Variants in PPARGC1A observed in about 807,000 individuals in gnomAD.
PPARGC1A encodes PPARG coactivator 1 alpha, also known as peroxisome proliferator-activated receptor gamma coactivator 1-alpha.
A neutral mutation model predicts 88.7 loss-of-function variants in PPARGC1A; 25 were observed. The observed-to-expected ratio is 0.28, with a 90% CI of 0.21 to 0.39. PPARGC1A has a LOEUF of 0.39. Among genes scored for constraint, PPARGC1A ranks in the 10% least tolerant of loss-of-function variants. The pLI is 1.00. For synonymous variants in PPARGC1A, 363 were observed against 355.6 expected (o/e 1.02, Z -0.24); for missense variants, 880 against 968.7 (o/e 0.91, Z 1.22).
chr4:24,208,582 T>C, the PPARGC1A span, among the ~76,000 whole-genome samples: 4 of 151,218 alleles, frequency 2.6e-5, no homozygotes, highest in Admixed American at 2.0e-4. Flanking sequence ...ACCCATTATA[T>C]GTCAGACTGA....
At chr4:24,051,050 T>C in the PPARGC1A span, among the ~76,000 whole-genome samples, 1 of 151,954 alleles carries the variant, frequency 6.6e-6, no homozygotes, top group East Asian at 1.9e-4. Context: ...TAGCCAGGCA[T>C]GGTGGCGGGT....
the PPARGC1A span, among the ~76,000 whole-genome samples, chr4:23,919,704 T>A: frequency 6.6e-6 from 1 of 152,094 alleles, no homozygotes; most frequent in Non-Finnish European, 1.5e-5. Flanking sequence ...GAAAATAGGA[T>A]TTGAGTGATG....
upstream of PPARGC1A, among the ~76,000 whole-genome samples, chr4:23,891,362 C>G (rs1237232702): frequency 3.9e-4 from 60 of 152,156 alleles, no homozygotes. Context: ...TAATAATTTA[C>G]CTGAAAACAA....
chr4:23,918,414 G>A, the PPARGC1A span, among the ~76,000 whole-genome samples: 1 of 151,942 alleles, frequency 6.6e-6, no homozygotes, highest in Non-Finnish European at 1.5e-5. Flanking sequence ...TAGAGACGGG[G>A]TTTCACCATG....
the PPARGC1A span, among the ~76,000 whole-genome samples, chr4:24,187,586 A>G: frequency 6.6e-6 from 1 of 152,176 alleles, no homozygotes; most frequent in Admixed American, 6.5e-5. Context: ...ATCTCCCTCT[A>G]AGAAAGAGAA....
At chr4:23,862,023 G>A (rs1426822452) in intron 2 of PPARGC1A, among the ~76,000 whole-genome samples, 1 of 152,154 alleles carries the variant, frequency 6.6e-6, no homozygotes, top group Non-Finnish European at 1.5e-5. Flanking sequence ...ATCAGTCAAC[G>A]AGTATCAACC....
chr4:24,022,296 G>A, the PPARGC1A span, among the ~76,000 whole-genome samples: 26,482 of 151,792 alleles, frequency 0.17, 2,613 homozygotes, highest in Admixed American at 0.3. Flanking sequence ...TCACTGGACC[G>A]ATGTGTCTGT....
the PPARGC1A span, among the ~76,000 whole-genome samples, chr4:24,144,409 T>C: frequency 1.3e-5 from 2 of 152,142 alleles, no homozygotes; most frequent in African/African-American, 4.8e-5. Context: ...GGGAAATGCC[T>C]GCTTGATGGC....
chr4:24,344,559 T>C, the PPARGC1A span, among the ~76,000 whole-genome samples: 1 of 152,106 alleles, frequency 6.6e-6, no homozygotes, highest in Non-Finnish European at 1.5e-5. Flanking sequence ...TTTTGAAAAT[T>C]ATTTATTCAT....
At position 23,884,830 on chromosome 4, in the gene PPARGC1A, C is replaced by T; in HGVS notation, c.156G>A (p.Leu52=). Residue 52 remains leucine (L), a synonymous_variant, in exon 2 of 13, where the codon CTG becomes CTA. Transcript: ENST00000264867. ...DVNDLDTDSF[L]GGLKWCSDQS... Reference sequence around the variant, plus strand: ...GGTCACTGCACCACTTGAGTCCACCCAGAAAGCTGTCTGTATCCAAGTCGT... The same window carrying T: ...GGTCACTGCACCACTTGAGTCCACCTAGAAAGCTGTCTGTATCCAAGTCGT... 1 of 1,613,886 alleles carries T rather than the reference C, an allele frequency of 6.2e-7. No individual in the cohort carries two copies. Among genetic ancestry groups the T allele is most frequent in the Middle Eastern group, 1.7e-4 (1 of 6,060 alleles).
At chr4:24,235,823 A>G in the PPARGC1A span, among the ~76,000 whole-genome samples, 1 of 152,168 alleles carries the variant, frequency 6.6e-6, no homozygotes, top group Non-Finnish European at 1.5e-5. Context: ...CTGATAAGGA[A>G]GTGATCAGAG....
chr4:24,127,074 C>A, the PPARGC1A span, among the ~76,000 whole-genome samples: 2 of 152,128 alleles, frequency 1.3e-5, no homozygotes, highest in Non-Finnish European at 2.9e-5. Flanking sequence ...TGGGTCACAG[C>A]TGACTAAATG....
chr4:24,079,079 T>C, the PPARGC1A span, among the ~76,000 whole-genome samples: 1 of 152,090 alleles, frequency 6.6e-6, no homozygotes, highest in Admixed American at 6.6e-5. Context: ...TTCATTATTA[T>C]AAATAGCATC....
At chr4:24,187,938 T>A in the PPARGC1A span, among the ~76,000 whole-genome samples, 1 of 152,236 alleles carries the variant, frequency 6.6e-6, no homozygotes, top group Non-Finnish European at 1.5e-5. Flanking sequence ...ATGGAATATT[T>A]AAAATAAGGT....
chr4:24,436,545 C>T, the PPARGC1A span, among the ~76,000 whole-genome samples: 57 of 150,478 alleles, frequency 3.8e-4, no homozygotes, highest in Non-Finnish European at 7.1e-4. Flanking sequence ...CCCCAGAGCC[C>T]GGGTCACACA....
the PPARGC1A span, among the ~76,000 whole-genome samples, chr4:24,234,881 G>T: frequency 6.6e-6 from 1 of 152,110 alleles, no homozygotes; most frequent in Non-Finnish European, 1.5e-5. Flanking sequence ...TTCTTTTTAG[G>T]ATAGTCCTCT....
chr4:23,806,296 C>A (rs578192292), intron 10 of PPARGC1A, among the ~76,000 whole-genome samples: 18 of 152,262 alleles, frequency 1.2e-4, no homozygotes, highest in Admixed American at 3.3e-4. Context: ...AGACAAAAAT[C>A]TTTCTAAGAT....
the PPARGC1A span, among the ~76,000 whole-genome samples, chr4:23,999,836 C>T: frequency 6.6e-6 from 1 of 152,122 alleles, no homozygotes; most frequent in Admixed American, 6.6e-5. Context: ...CGCAGCCGCC[C>T]CTCTGGAATG....
the PPARGC1A span, among the ~76,000 whole-genome samples, chr4:24,277,195 CAA>C: frequency 3.2e-4 from 48 of 152,198 alleles, no homozygotes; most frequent in African/African-American, 1.1e-3. Flanking sequence ...TGGGCTCAAG[CAA>C]TCCTCCCACC....
Sources: gnomAD v4.1 joint callset for allele counts (sites outside exome capture counted in the v4.1 genomes callset) on GRCh38, gnomAD v4.1.1 for gene constraint, MANE v1.5 for transcripts, NCBI Gene and HGNC (gene_info 2026-07-23, HGNC 2026-07-21) for gene names.